Variants in PCBP3 observed in about 807,000 individuals in gnomAD.
PCBP3 encodes poly(rC) binding protein 3.
In PCBP3, 25 loss-of-function variants were observed where a neutral mutation model predicts 52.7. The ratio of observed to expected loss-of-function variants is 0.47; its 90% CI spans 0.35 to 0.66. The LOEUF is 0.66. PCBP3 is among the 30% of genes least tolerant of loss of function. The pLI, the probability that PCBP3 is intolerant of heterozygous loss-of-function variation, is 0.01. For missense variants in PCBP3, 391 were observed against 490.3 expected (o/e 0.80, Z 1.91); for synonymous variants, 162 against 183.0 (o/e 0.89, Z 0.93).
At chr21:45,915,646 T>C (rs2073266954) in intron 12 of PCBP3, 1 of 152,192 alleles carries the variant, frequency 6.6e-6, no homozygotes, top group Non-Finnish European at 1.5e-5. Flanking sequence ...CTGCAGCAGG[T>C]GAAGGGCCCT....
At chr21:45,799,841 TAAA>T (rs2092219318) in intron 4 of PCBP3, among the ~76,000 whole-genome samples, 1 of 152,162 alleles carries the variant, frequency 6.6e-6, no homozygotes, top group Non-Finnish European at 1.5e-5. Flanking sequence ...AGAATATGAT[TAAA>T]AAATAATGAG....
intron 1 of PCBP3, among the ~76,000 whole-genome samples, chr21:45,653,229 A>G (rs563903725): frequency 1.3e-5 from 2 of 152,210 alleles, no homozygotes; most frequent in South Asian, 4.1e-4. Context: ...TCAATGTACT[A>G]TACTAAATAT....
At chr21:45,649,119 G>A (rs777306506) in intron 1 of PCBP3, among the ~76,000 whole-genome samples, 14 of 152,202 alleles carry the variant, frequency 9.2e-5, no homozygotes, top group African/African-American at 1.9e-4. Flanking sequence ...ACAGTTCCAC[G>A]TGGCTGGGGA....
At chr21:45,914,878 A>G (rs431609) in intron 12 of PCBP3, 105,992 of 152,266 alleles carry the variant, frequency 0.7, 38,394 homozygotes, top group African/African-American at 0.89. Context: ...GACCCTGGCA[A>G]GGCAGAACAG....
At chr21:45,715,900 A>G (rs960410992) in intron 2 of PCBP3, among the ~76,000 whole-genome samples, 9 of 152,042 alleles carry the variant, frequency 5.9e-5, no homozygotes, top group South Asian at 2.1e-4. Flanking sequence ...AGATTTGCCA[A>G]ATTTTCCCCT....
At chr21:45,761,608 T>G (rs1009965421) in intron 4 of PCBP3, 2 of 152,318 alleles carry the variant, frequency 1.3e-5, no homozygotes, top group African/African-American at 4.8e-5. Flanking sequence ...GCGTCTCTCT[T>G]TCATCACATT....
chr21:45,823,854 G>A (rs1274647791), intron 4 of PCBP3, among the ~76,000 whole-genome samples: 1 of 151,980 alleles, frequency 6.6e-6, no homozygotes, highest in Non-Finnish European at 1.5e-5. Context: ...CAATTCTCCT[G>A]CCTCAGCCTC....
At chr21:45,658,697 G>A (rs866399512) in intron 1 of PCBP3, among the ~76,000 whole-genome samples, 10 of 152,078 alleles carry the variant, frequency 6.6e-5, no homozygotes, top group Non-Finnish European at 7.4e-5. Flanking sequence ...GGGTAATACT[G>A]GCCTTATAGA....
At chr21:45,877,395 CA>C (rs2095288874) in intron 5 of PCBP3, among the ~76,000 whole-genome samples, 2 of 152,162 alleles carry the variant, frequency 1.3e-5, no homozygotes, top group African/African-American at 4.8e-5. Context: ...GGGCAGTATT[CA>C]TTTTACTAGC....
At chr21:45,834,514 C>T (rs1206517073) in intron 4 of PCBP3, among the ~76,000 whole-genome samples, 1 of 152,178 alleles carries the variant, frequency 6.6e-6, no homozygotes, top group African/African-American at 2.4e-5. Context: ...AGCTTGTCCC[C>T]GTGCCCGCCA....
chr21:45,834,410 A>G (rs1569287667), intron 4 of PCBP3, among the ~76,000 whole-genome samples: 1 of 152,252 alleles, frequency 6.6e-6, no homozygotes, highest in Non-Finnish European at 1.5e-5. Flanking sequence ...TCCATTTCCA[A>G]GGCACAGCAT....
rs531262583 is a variant in PCBP3, at chr21:45,837,927, G to A, written c.-125-12034G>A. On this transcript the variant is annotated intron_variant, in intron 4 of 17. Transcript: ENST00000681687. The surrounding 1 kb of genome is among the most constrained non-coding windows in gnomAD (Gnocchi z 4.1). The stretch of plus-strand genomic sequence containing the variant: ...AGTACACATTAGGGGCTGCAGAACG[G>A]TGATTTTCTAATTGTGTTGTTCTTT... 6.6e-6 allele frequency among the ~76,000 whole-genome samples: 1 copy of A among 152,342 alleles called. No homozygotes were observed. The highest frequency in any genetic ancestry group is 2.1e-4 in the South Asian group (1 of 4,832).
At chr21:45,761,251 C>T (rs959460792) in intron 4 of PCBP3, 4 of 152,160 alleles carry the variant, frequency 2.6e-5, no homozygotes, top group South Asian at 4.1e-4. Context: ...TTCTTCAGCC[C>T]GGGGAATTCT....
At chr21:45,787,971 A>G (rs1030998377) in intron 4 of PCBP3, among the ~76,000 whole-genome samples, 5 of 152,156 alleles carry the variant, frequency 3.3e-5, no homozygotes, top group Admixed American at 6.5e-5. Flanking sequence ...GACTATAGCA[A>G]AGGCGGGGAG....
chr21:45,825,889 T>C (rs536910995), intron 4 of PCBP3, among the ~76,000 whole-genome samples: 1 of 152,194 alleles, frequency 6.6e-6, no homozygotes, highest in Non-Finnish European at 1.5e-5. Flanking sequence ...AAATGACTTT[T>C]TCCTTATTTT....
intron 1 of PCBP3, among the ~76,000 whole-genome samples, chr21:45,649,830 A>T (rs2079561486): frequency 6.6e-6 from 1 of 152,046 alleles, no homozygotes; most frequent in African/African-American, 2.4e-5. Flanking sequence ...TAGGTTAAGG[A>T]TGATCACTTT....
chr21:45,663,987 A>T (rs1216742780), intron 1 of PCBP3, among the ~76,000 whole-genome samples: 2 of 148,028 alleles, frequency 1.4e-5, no homozygotes, highest in African/African-American at 5.0e-5. Context: ...GATTTTTCCA[A>T]TTCATGAGCA....
chr21:45,841,558 T>G (rs1400531944), intron 4 of PCBP3, among the ~76,000 whole-genome samples: 1 of 152,262 alleles, frequency 6.6e-6, no homozygotes, highest in African/African-American at 2.4e-5. Flanking sequence ...TAGTTCAGTT[T>G]CACATATTAC....
intron 1 of PCBP3, among the ~76,000 whole-genome samples, chr21:45,663,210 C>A (rs1329701444): frequency 6.6e-6 from 1 of 152,198 alleles, no homozygotes; most frequent in Non-Finnish European, 1.5e-5. Context: ...CAGGGAAGGG[C>A]CCCCTGTCCA....
Sources: allele counts gnomAD v4.1 joint callset (sites outside exome capture counted in the v4.1 genomes callset), GRCh38; gene constraint gnomAD v4.1.1; non-coding constraint Gnocchi (gnomAD v3.1); transcripts MANE v1.5; gene names NCBI Gene and HGNC (gene_info 2026-07-23, HGNC 2026-07-21).